HTR2C: variants seen among roughly 807,000 people sequenced by gnomAD.
The protein encoded by HTR2C is 5-hydroxytryptamine (serotonin) receptor 2C, G protein-coupled.
A neutral mutation model predicts 21.0 loss-of-function variants in HTR2C; 5 were observed. That is an observed-to-expected ratio of 0.24 (90% CI 0.12 to 0.50). HTR2C has a LOEUF of 0.50. Ranked by LOEUF, HTR2C falls within the 20% of genes least tolerant of loss-of-function variation. The pLI, the probability that HTR2C is intolerant of heterozygous loss-of-function variation, is 0.98. For missense variants in HTR2C, 271 were observed against 371.2 expected (o/e 0.73, Z 2.22); for synonymous variants, 150 against 145.3 (o/e 1.03, Z -0.23).
At chrX:114,850,013 A>T (rs781817388) in intron 5 of HTR2C, among the ~76,000 whole-genome samples, 1 of 112,124 alleles carries the variant, frequency 8.9e-6, no homozygotes, top group Non-Finnish European at 1.9e-5. Context: ...GTGCACATGG[A>T]AATTACATGC....
chrX:114,752,999 C>T (rs1308903782), intron 4 of HTR2C, among the ~76,000 whole-genome samples: 4 of 111,121 alleles, frequency 3.6e-5, no homozygotes, highest in African/African-American at 1.3e-4. Flanking sequence ...CAACCAAATA[C>T]CCTTATAAAT....
At chrX:114,594,321 A>G (rs1556391993) in intron 1 of HTR2C, among the ~76,000 whole-genome samples, 1 of 111,665 alleles carries the variant, frequency 9.0e-6, no homozygotes. Context: ...TAGGGTTTCT[A>G]GAAGATTTCT....
intron 4 of HTR2C, among the ~76,000 whole-genome samples, chrX:114,756,102 T>G (rs1462333263): frequency 1.3e-5 from 1 of 78,988 alleles, no homozygotes; most frequent in Non-Finnish European, 2.6e-5. Flanking sequence ...GAGCAAGACC[T>G]TATCTCAAAA....
chrX:114,754,960 C>G (rs2069796697), intron 4 of HTR2C, among the ~76,000 whole-genome samples: 1 of 111,992 alleles, frequency 8.9e-6, no homozygotes, highest in Non-Finnish European at 1.9e-5. Flanking sequence ...ACGGAAGTGG[C>G]CGGGCACGGT....
chrX:114,724,907 C>T (rs1933390111), intron 2 of HTR2C, among the ~76,000 whole-genome samples: 2 of 108,067 alleles, frequency 1.9e-5, no homozygotes, highest in South Asian at 8.6e-4. Context: ...ATGGGCTTCC[C>T]TTTGAGAGTA....
At chrX:114,822,946 G>A (rs182670459) in intron 4 of HTR2C, among the ~76,000 whole-genome samples, 1 of 111,660 alleles carries the variant, frequency 9.0e-6, no homozygotes, top group Non-Finnish European at 1.9e-5. Flanking sequence ...TTGCAGAGCC[G>A]CAGAGCCTAG....
rs990221992 is a variant in HTR2C, at chrX:114,726,942, G to A, written c.6G>A (p.Val2=). M[V]NLRNAVHSFL... ...TGCTTAAGACTGAAGCAATCATGGT[G>A]AACCTGAGGAATGCGGTGCATTCAT... is the stretch of plus-strand genomic sequence containing the variant. The change falls in exon 3 of 6, where the codon GTG becomes GTA. Residue 2 remains valine, a synonymous_variant. Transcript: ENST00000276198. The A allele has an allele frequency of 2.7e-5, 31 of 1,129,330 alleles. No individual in the cohort carries two copies. Among genetic ancestry groups the A allele is most frequent in the Non-Finnish European group, 3.6e-5 (31 of 850,430 alleles). 93.1% of individuals were successfully genotyped at this position (1,129,330 alleles called of 1,213,427 possible). A position where few individuals can be genotyped will look rare whatever the true frequency, so the allele number is the denominator to read the frequency against.
chrX:114,773,763 A>G (rs1230946830), intron 4 of HTR2C, among the ~76,000 whole-genome samples: 4 of 112,601 alleles, frequency 3.6e-5, no homozygotes, highest in African/African-American at 1.3e-4. Flanking sequence ...CTGATTAAAT[A>G]AACCACATAA....
At chrX:114,868,374 G>A (rs781999567) in intron 5 of HTR2C, among the ~76,000 whole-genome samples, 1 of 110,213 alleles carries the variant, frequency 9.1e-6, no homozygotes, top group Non-Finnish European at 1.9e-5. Context: ...GGTGACTCAT[G>A]TCAAAAACAT....
At chrX:114,584,759 G>A in intron 1 of HTR2C, 100 bp downstream of exon 1, 1 of 113,567 alleles carries the variant, frequency 8.8e-6, no homozygotes, top group Non-Finnish European at 1.9e-5. Context: ...GCTGCAGCCT[G>A]CAGGACCGCA....
intron 1 of HTR2C, among the ~76,000 whole-genome samples, chrX:114,597,491 C>T (rs1927911820): frequency 9.0e-6 from 1 of 111,596 alleles, no homozygotes; most frequent in African/African-American, 3.3e-5. Flanking sequence ...AAAGAAACAA[C>T]TAAAGGAATT....
intron 2 of HTR2C, among the ~76,000 whole-genome samples, chrX:114,627,084 A>G (rs1929408488): frequency 8.9e-6 from 1 of 112,045 alleles, no homozygotes; most frequent in South Asian, 3.7e-4. Context: ...TAATGCATTA[A>G]GTGGGCATTA....
intron 4 of HTR2C, among the ~76,000 whole-genome samples, chrX:114,762,891 T>G (rs782208800): frequency 8.9e-6 from 1 of 112,270 alleles, no homozygotes; most frequent in South Asian, 3.7e-4. Flanking sequence ...ACCCCTGTGC[T>G]AACAAAGGTC....
intron 4 of HTR2C, among the ~76,000 whole-genome samples, chrX:114,784,340 TAGACAAAC>T (rs1556441421): frequency 8.9e-6 from 1 of 111,809 alleles, no homozygotes; most frequent in Non-Finnish European, 1.9e-5. Flanking sequence ...TACAAATATC[TAGACAAAC>T]ATAACTTGAC....
At chrX:114,715,271 A>G (rs376199458) in intron 2 of HTR2C, 1 of 382,772 alleles carries the variant, frequency 2.6e-6, no homozygotes, top group Non-Finnish European at 5.2e-6. Flanking sequence ...GTCCAGATGT[A>G]TCCAAGTACC....
intron 4 of HTR2C, among the ~76,000 whole-genome samples, chrX:114,805,876 C>CCATATAT (rs1569495636): frequency 1.0e-4 from 1 of 9,740 alleles, no homozygotes; most frequent in Non-Finnish European, 2.1e-4. Flanking sequence ...CATATATATA[C>CCATATAT]ACCATATGTA....
chrX:114,778,675 C>T (rs1341048549), intron 4 of HTR2C, among the ~76,000 whole-genome samples: 1 of 110,832 alleles, frequency 9.0e-6, no homozygotes, highest in Non-Finnish European at 1.9e-5. Context: ...TTAGTGAAGA[C>T]AGAAATGATT....
intron 4 of HTR2C, among the ~76,000 whole-genome samples, chrX:114,818,674 T>G (rs1203864097): frequency 9.0e-6 from 1 of 111,266 alleles, no homozygotes; most frequent in Admixed American, 9.6e-5. Context: ...ATGGGCCAAA[T>G]CCTGCTGGCT....
chrX:114,603,580 T>G (rs1260527144), intron 1 of HTR2C, among the ~76,000 whole-genome samples: 1 of 99,860 alleles, frequency 1.0e-5, no homozygotes, highest in Non-Finnish European at 2.0e-5. Context: ...GGAGCACGTG[T>G]GTTTTTATGA....
Sources: gnomAD v4.1 joint callset for allele counts (sites outside exome capture counted in the v4.1 genomes callset) on GRCh38, gnomAD v4.1.1 for gene constraint, MANE v1.5 for transcripts, NCBI Gene and HGNC (gene_info 2026-07-23, HGNC 2026-07-21) for gene names.